Variants in ZDHHC14 observed in about 807,000 individuals in gnomAD.
The protein encoded by ZDHHC14 is zDHHC palmitoyltransferase 14, also known as palmitoyltransferase ZDHHC14.
Under a neutral mutation model 47.7 loss-of-function variants are expected in ZDHHC14, and 16 were observed. The ratio of observed to expected loss-of-function variants is 0.34; its 90% CI spans 0.23 to 0.51. The LOEUF is 0.51. Ranked by LOEUF, ZDHHC14 falls within the 20% of genes least tolerant of loss-of-function variation. ZDHHC14 has a pLI of 0.97. For synonymous variants in ZDHHC14, 293 were observed against 278.9 expected, an observed-to-expected ratio of 1.05 and a Z score of -0.50; for missense variants, 515 against 662.5, an observed-to-expected ratio of 0.78 and a Z score of 2.44.
chr6:157,381,741 G>GC lies in ZDHHC14; in HGVS notation c.-277dup, dbSNP rs1777214813. 6.8e-6 allele frequency: 1 copy of GC among 146,206 alleles called. No homozygotes were observed. Among genetic ancestry groups the GC allele is most frequent in the Admixed American group, 6.8e-5 (1 of 14,702 alleles). The allele number at this position is 146,206 out of a possible 1,614,324, so 9.1% of individuals were successfully genotyped here. On this transcript the variant is annotated 5_prime_UTR_variant, in exon 1 of 9. Transcript: ENST00000359775. ...GGGGGCCGGCCGGGCTGAGCCCCGCGCCCCGGGACGCGGGCTGGAAGCGAC... is the reference window on the plus strand; with the variant it reads ...GGGGGCCGGCCGGGCTGAGCCCCGCGCCCCCGGGACGCGGGCTGGAAGCGAC...
intron 3 of ZDHHC14, among the ~76,000 whole-genome samples, chr6:157,611,946 C>A (rs1003512149): frequency 6.6e-6 from 1 of 152,122 alleles, no homozygotes; most frequent in Non-Finnish European, 1.5e-5. Flanking sequence ...TAGCTCAGAC[C>A]TCTCCTCAGA....
rs1372835148 is a variant in ZDHHC14, at chr6:157,405,241, TC to T, written c.245+22976del. On this transcript the variant is annotated intron_variant, in intron 1 of 8. Coordinates refer to ENST00000359775, the MANE Select transcript of ZDHHC14 (RefSeq NM_024630.3). ...AGCGCAAAACCTCCCCCAGGTGAGC[TC>T]TTTTTTTTGAGATGGAGTCTCGCTG... 2.0e-5 allele frequency among the ~76,000 whole-genome samples: 3 copies of T among 152,096 alleles called. No individual in the cohort carries two copies. In the East Asian group the frequency reaches 5.8e-4, roughly 29 times the overall value.
chr6:157,671,685 T>C (rs1207043831), intron 8 of ZDHHC14, among the ~76,000 whole-genome samples: 1 of 152,170 alleles, frequency 6.6e-6, no homozygotes, highest in East Asian at 1.9e-4. Context: ...GAGGCAGATA[T>C]CATGTGACTT....
intron 1 of ZDHHC14, among the ~76,000 whole-genome samples, chr6:157,389,786 C>T (rs1777384555): frequency 6.6e-6 from 1 of 152,060 alleles, no homozygotes; most frequent in African/African-American, 2.4e-5. Context: ...CCTTTGTACC[C>T]ACTGTCATAT....
At chr6:157,429,383 G>C (rs1230875480) in intron 1 of ZDHHC14, among the ~76,000 whole-genome samples, 1 of 152,204 alleles carries the variant, frequency 6.6e-6, no homozygotes, top group Non-Finnish European at 1.5e-5. Flanking sequence ...ATATAAAAAT[G>C]AATTTATTGC....
chr6:157,410,894 A>G (rs545426450), intron 1 of ZDHHC14, among the ~76,000 whole-genome samples: 2 of 152,192 alleles, frequency 1.3e-5, no homozygotes, highest in African/African-American at 4.8e-5. Flanking sequence ...ACGGGGTTTC[A>G]CCATGTTGGC....
chr6:157,402,479 G>A (rs996304157), intron 1 of ZDHHC14, among the ~76,000 whole-genome samples: 1 of 152,240 alleles, frequency 6.6e-6, no homozygotes, highest in African/African-American at 2.4e-5. Context: ...AGCTGCAGTA[G>A]TGAGATGCAC....
intron 1 of ZDHHC14, among the ~76,000 whole-genome samples, chr6:157,418,012 G>A (rs1778018200): frequency 6.6e-6 from 1 of 151,684 alleles, no homozygotes; most frequent in African/African-American, 2.4e-5. Context: ...GGACCTGTTG[G>A]TCCATCTGCT....
chr6:157,673,869 C>T lies in ZDHHC14; in HGVS notation c.*747C>T, dbSNP rs1778919437. On this transcript the variant is annotated 3_prime_UTR_variant, in exon 9 of 9. Transcript: ENST00000359775. The surrounding 1 kb of genome is among the most constrained non-coding windows in gnomAD (Gnocchi z 5.4). ...GTGTTGAGATATTGTGTGCCACAAC[C>T]CCCACAGTCTTCACCTCCGTGTGTG... The T allele has an allele frequency of 6.6e-6, 1 of 152,594 alleles. No individual in the cohort carries two copies. The highest frequency in any genetic ancestry group is 2.1e-4 in the South Asian group (1 of 4,826). The allele number at this position is 152,594 out of a possible 1,614,324, so 9.5% of individuals were successfully genotyped here.
chr6:157,555,699 G>T (rs978144381), intron 2 of ZDHHC14, among the ~76,000 whole-genome samples: 2 of 152,140 alleles, frequency 1.3e-5, no homozygotes, highest in Admixed American at 1.3e-4. Flanking sequence ...GTAATGCAGG[G>T]TTTACAGCCC....
rs1437214059 is a variant in ZDHHC14, at chr6:157,647,291, A to G, written c.888A>G (p.Lys296=). 1.2e-6 allele frequency: 2 copies of G among 1,614,188 alleles called. No homozygotes were observed. Among genetic ancestry groups the G allele is most frequent in the South Asian group, 2.2e-5 (2 of 91,064 alleles). The change falls in exon 7 of 9, where the codon AAA becomes AAG. Residue 296 remains lysine (K), a synonymous_variant. Coordinates refer to ENST00000359775, the MANE Select transcript of ZDHHC14 (RefSeq NM_024630.3). ...GATCCTGGTCAAATAAAAGAGGTAAAGAAAATTACAATCCCTACAGCTACG... is the reference window on the plus strand; with the variant it reads ...GATCCTGGTCAAATAAAAGAGGTAAGGAAAATTACAATCCCTACAGCTACG... ...IKGSWSNKRG[K]ENYNPYSYGN...
At chr6:157,606,907 G>T (rs1470197801) in intron 3 of ZDHHC14, among the ~76,000 whole-genome samples, 4 of 152,166 alleles carry the variant, frequency 2.6e-5, no homozygotes, top group African/African-American at 9.7e-5. Flanking sequence ...CATCACACTA[G>T]TGGTGTTTGT....
intron 2 of ZDHHC14, among the ~76,000 whole-genome samples, chr6:157,551,100 G>A (rs760554497): frequency 6.6e-6 from 1 of 152,282 alleles, no homozygotes; most frequent in Non-Finnish European, 1.5e-5. Flanking sequence ...AGCATGGAGA[G>A]AGTGGTCTGG....
chr6:157,607,768 AC>A (rs201355158), intron 3 of ZDHHC14, among the ~76,000 whole-genome samples: 2,885 of 152,244 alleles, frequency 0.019, 93 homozygotes, highest in African/African-American at 0.065. Flanking sequence ...GAAGAAAAGA[AC>A]CCTCAGTGTA....
intron 1 of ZDHHC14, among the ~76,000 whole-genome samples, chr6:157,397,716 G>A (rs1008620724): frequency 2.0e-4 from 31 of 152,152 alleles, no homozygotes. Context: ...TTGGGGGAAC[G>A]TTATTCTCCC....
At chr6:157,641,528 G>A (rs542152441) in intron 5 of ZDHHC14, among the ~76,000 whole-genome samples, 2 of 152,110 alleles carry the variant, frequency 1.3e-5, no homozygotes, top group African/African-American at 4.8e-5. Flanking sequence ...ACATGTCCAT[G>A]TATCAGTTGA....
At chr6:157,419,892 T>C (rs1778061503) in intron 1 of ZDHHC14, among the ~76,000 whole-genome samples, 1 of 152,240 alleles carries the variant, frequency 6.6e-6, no homozygotes, top group South Asian at 2.1e-4. Flanking sequence ...TACACCATTT[T>C]TCATTTCCAT....
intron 1 of ZDHHC14, among the ~76,000 whole-genome samples, chr6:157,408,940 G>T (rs1777819442): frequency 6.6e-6 from 1 of 152,088 alleles, no homozygotes. Flanking sequence ...CTTGTTCTTG[G>T]GGCCTCACAT....
At chr6:157,606,421 G>A (rs190193455) in intron 3 of ZDHHC14, among the ~76,000 whole-genome samples, 237 of 152,214 alleles carry the variant, frequency 1.6e-3, no homozygotes, top group Non-Finnish European at 2.3e-3. Context: ...AGCAGAGATC[G>A]CGCCACTGCA....
Sources: gnomAD v4.1 joint callset for allele counts (sites outside exome capture counted in the v4.1 genomes callset) on GRCh38, gnomAD v4.1.1 for gene constraint, Gnocchi (gnomAD v3.1) non-coding constraint, MANE v1.5 for transcripts, NCBI Gene and HGNC (gene_info 2026-07-23, HGNC 2026-07-21) for gene names.